The following NTM variants were observed in gnomAD, a reference collection of about 807,000 sequenced individuals.
NTM encodes neurotrimin, also known as IgLON family member 2.
In NTM, 13 loss-of-function variants were observed where a neutral mutation model predicts 42.1. The ratio of observed to expected loss-of-function variants is 0.31; its 90% CI spans 0.20 to 0.49. The LOEUF (loss-of-function observed/expected upper bound fraction) is 0.49. Among genes scored for constraint, NTM ranks in the 20% least tolerant of loss-of-function variants. NTM has a pLI of 0.99. For synonymous variants in NTM, 187 were observed against 179.2 expected (o/e 1.04, Z -0.35); for missense variants, 373 against 452.8 (o/e 0.82, Z 1.60).
At chr11:132,059,919 T>A (rs1413696433) in intron 2 of NTM, among the ~76,000 whole-genome samples, 1 of 152,174 alleles carries the variant, frequency 6.6e-6, no homozygotes, top group African/African-American at 2.4e-5. Context: ...TGCAATGGGT[T>A]CTCTGGAGTC....
At chr11:131,858,789 G>A (rs2046349429) in intron 1 of NTM, among the ~76,000 whole-genome samples, 1 of 152,194 alleles carries the variant, frequency 6.6e-6, no homozygotes, top group Non-Finnish European at 1.5e-5. Flanking sequence ...AATCTGTGGG[G>A]CTTAATCTTT....
At chr11:132,066,957 A>ATT (rs55941052) in intron 2 of NTM, among the ~76,000 whole-genome samples, 1 of 150,250 alleles carries the variant, frequency 6.7e-6, no homozygotes, top group African/African-American at 2.4e-5. Context: ...TTTGTGAAAC[A>ATT]TTTTTTTTTT....
rs148799512 is a variant in NTM at position 132,230,892 on chromosome 11, T to G, written c.526+18745T>G. Among the ~76,000 whole-genome samples, 852 of 152,318 alleles carry G rather than the reference T, an allele frequency of 5.6e-3. 6 individuals are homozygous for G. The highest frequency in any genetic ancestry group is 0.017 in the African/African-American group (719 of 41,580). The stretch of plus-strand genomic sequence containing the variant: ...TTTTTTAATCAGCTGGGTGTGGTGA[T>G]GCGCACCTGCAGTCGCAGCTGAGGC... On this transcript the variant is annotated intron_variant, in intron 4 of 8. Transcript: ENST00000683400.
At chr11:132,247,552 A>G (rs944068107) in intron 4 of NTM, among the ~76,000 whole-genome samples, 1 of 152,186 alleles carries the variant, frequency 6.6e-6, no homozygotes, top group African/African-American at 2.4e-5. Flanking sequence ...TAAGAAAAAA[A>G]CATATAATGA....
intron 1 of NTM, among the ~76,000 whole-genome samples, chr11:131,831,979 A>G (rs1241501040): frequency 3.4e-5 from 5 of 148,266 alleles, no homozygotes; most frequent in African/African-American, 1.2e-4. Context: ...ATATATATGA[A>G]AAGCCTAGTA....
At chr11:132,301,132 G>C (rs1042770913) in intron 4 of NTM, among the ~76,000 whole-genome samples, 2 of 152,138 alleles carry the variant, frequency 1.3e-5, no homozygotes, top group African/African-American at 4.8e-5. Flanking sequence ...CCTCAGGGCT[G>C]GGGAGGCCTC....
chr11:132,274,029 A>G (rs1452508023), intron 4 of NTM, among the ~76,000 whole-genome samples: 1 of 152,226 alleles, frequency 6.6e-6, no homozygotes, highest in Non-Finnish European at 1.5e-5. Context: ...ACAATTATTC[A>G]TAACATTGCT....
intron 1 of NTM, among the ~76,000 whole-genome samples, chr11:131,817,285 G>A (rs1436310746): frequency 1.3e-5 from 2 of 152,168 alleles, no homozygotes; most frequent in African/African-American, 4.8e-5. Context: ...TGTACCTCGA[G>A]CAATACGACC....
chr11:131,591,787 A>G lies in NTM; in HGVS notation c.82+220899A>G, dbSNP rs545158401. 2.6e-5 allele frequency among the ~76,000 whole-genome samples: 4 copies of G among 152,354 alleles called. No individual in the cohort carries two copies. The South Asian group carries it at 8.3e-4, about 32-fold the overall frequency. ...GCTAATGTGCCCAGCAGCAGGCACC[A>G]GCATGAATGGGAAGGGGGCAGTTCA... On this transcript the variant is annotated intron_variant, in intron 1 of 8. Transcript: ENST00000683400.
chr11:132,004,734 A>G (rs1211797552), intron 2 of NTM, among the ~76,000 whole-genome samples: 3 of 151,766 alleles, frequency 2.0e-5, no homozygotes, highest in East Asian at 1.9e-4. Flanking sequence ...TAGGATCACA[A>G]TCATTCAGAG....
rs561041727 is a variant in NTM at position 131,658,951 on chromosome 11, G to A, written c.83-252613G>A. 9.9e-4 allele frequency among the ~76,000 whole-genome samples: 151 copies of A among 152,246 alleles called. 2 individuals carry two copies. Among genetic ancestry groups the A allele is most frequent in the African/African-American group, 3.4e-3 (143 of 41,548 alleles). On this transcript the variant is annotated intron_variant, in intron 1 of 8. Transcript: ENST00000683400. Reference sequence around the variant, plus strand: ...CGCGCCACTGCTCTCCAGCCTGGGTGACAGAGCGAGACTCCAAAAAGAAAA... The same window carrying A: ...CGCGCCACTGCTCTCCAGCCTGGGTAACAGAGCGAGACTCCAAAAAGAAAA...
Position 132,142,795 on chromosome 11 carries a change from G to C in NTM, c.168-3487G>C, listed in dbSNP as rs542001765. Among the ~76,000 whole-genome samples the C allele has an allele frequency of 3.9e-5, 6 of 152,282 alleles. No homozygotes were observed. The South Asian group carries it at 1.2e-3, about 32-fold the overall frequency. On this transcript the variant is annotated intron_variant, in intron 2 of 8. Coordinates refer to ENST00000683400, the MANE Select transcript of NTM (RefSeq NM_001352005.2). ...CAGAACCATGCTGGAAATTGGCTGC[G>C]TTCTGAGTGCTAGTGCATCTGCAGA...
intron 1 of NTM, among the ~76,000 whole-genome samples, chr11:131,692,802 G>A (rs1175072473): frequency 1.3e-5 from 2 of 152,044 alleles, no homozygotes; most frequent in Non-Finnish European, 2.9e-5. Context: ...TGAAAGTAAA[G>A]TCAGAGGCAA....
chr11:131,756,704 T>C (rs2135755249), intron 1 of NTM, among the ~76,000 whole-genome samples: 1 of 151,050 alleles, frequency 6.6e-6, no homozygotes, highest in Admixed American at 6.6e-5. Context: ...ACACAAAAAA[T>C]TGCTATAATC....
chr11:132,190,466 G>C (rs61906018), intron 3 of NTM, among the ~76,000 whole-genome samples: 1,841 of 152,214 alleles, frequency 0.012, 18 homozygotes, highest in East Asian at 0.029. Context: ...GGCCGGGTGT[G>C]GTGGCTCACA....
Position 131,789,773 on chromosome 11 carries a change from G to A in NTM, c.83-121791G>A, listed in dbSNP as rs1344838445. ...AGATCAAGACCATCCTGGCTAACACGGTGAAACCCCGTCTCTACTAAAAAT... is the reference window on the plus strand; with the variant it reads ...AGATCAAGACCATCCTGGCTAACACAGTGAAACCCCGTCTCTACTAAAAAT... On this transcript the variant is annotated intron_variant, in intron 1 of 8. Coordinates refer to ENST00000683400, the MANE Select transcript of NTM (RefSeq NM_001352005.2). Among the ~76,000 whole-genome samples the A allele has an allele frequency of 1.1e-4, 16 of 144,890 alleles. No homozygotes were observed. In the East Asian group the frequency reaches 1.2e-3, roughly 11 times the overall value.
chr11:131,956,529 G>T (rs2061572645), intron 2 of NTM, among the ~76,000 whole-genome samples: 1 of 151,784 alleles, frequency 6.6e-6, no homozygotes, highest in South Asian at 2.1e-4. Context: ...TCTTAAGAAT[G>T]CAGGAAGCTT....
chr11:132,323,276 C>A (rs2095609287), intron 7 of NTM, among the ~76,000 whole-genome samples: 1 of 151,920 alleles, frequency 6.6e-6, no homozygotes, highest in East Asian at 1.9e-4. Flanking sequence ...AATTGATAGA[C>A]CGCTAGCAAG....
At chr11:132,303,236 A>G (rs2094932330) in intron 4 of NTM, among the ~76,000 whole-genome samples, 1 of 152,236 alleles carries the variant, frequency 6.6e-6, no homozygotes, top group Non-Finnish European at 1.5e-5. Flanking sequence ...GCTTTACAAC[A>G]AGAAAACTGT....
Sources: allele counts gnomAD v4.1 joint callset (sites outside exome capture counted in the v4.1 genomes callset), GRCh38; gene constraint gnomAD v4.1.1; transcripts MANE v1.5; gene names NCBI Gene and HGNC (gene_info 2026-07-23, HGNC 2026-07-21).